The following GUCY1B1 variants were observed in gnomAD, a reference collection of about 807,000 sequenced individuals.
GUCY1B1 encodes guanylate cyclase soluble subunit beta-1.
In GUCY1B1, 43 loss-of-function variants were observed where a neutral mutation model predicts 71.0. The observed-to-expected ratio is 0.61, with a 90% CI of 0.47 to 0.78. The LOEUF (loss-of-function observed/expected upper bound fraction) is 0.78, where lower values mean the gene tolerates loss of function less well. GUCY1B1 is among the 30% of genes least tolerant of loss of function. The pLI is 0.00. For missense variants in GUCY1B1, 535 were observed against 754.1 expected (o/e 0.71, Z 3.40); for synonymous variants, 266 against 259.7 (o/e 1.02, Z -0.23).
At chr4:155,784,141 T>C (rs1011174613) in intron 4 of GUCY1B1, among the ~76,000 whole-genome samples, 1 of 152,164 alleles carries the variant, frequency 6.6e-6, no homozygotes, top group Non-Finnish European at 1.5e-5. Context: ...ATGGTAATGA[T>C]AAATTGATAT....
At chr4:155,761,348 C>CTA (rs113451558) in intron 2 of GUCY1B1, among the ~76,000 whole-genome samples, 47,672 of 150,572 alleles carry the variant, frequency 0.32, 7,455 homozygotes, top group Middle Eastern at 0.41. Context: ...TTTATAAATG[C>CTA]TATATATATA....
chr4:155,786,413 A>G (rs1738775691), intron 4 of GUCY1B1, among the ~76,000 whole-genome samples: 1 of 143,394 alleles, frequency 7.0e-6, no homozygotes, highest in Non-Finnish European at 1.5e-5. Flanking sequence ...AGCTGGGACT[A>G]CAGGCATGCC....
In GUCY1B1 at chr4:155,800,066, G is replaced by C. The variant is rs1297936678; in HGVS notation, c.1167G>C (p.Lys389Asn). Residue 389 changes from lysine to asparagine, a missense_variant, in exon 9 of 14, where the codon AAG (lysine) becomes AAC (asparagine). Lys to Asn is a moderately conservative substitution (Grantham distance 94). Transcript: ENST00000264424. ...TLRALEDEKK[K>N]TDTLLYSVLP... ...GAGCCCTGGAAGATGAAAAGAAAAA[G>C]ACAGACACGTAAGAATGTAACGCTT... is the stretch of plus-strand genomic sequence containing the variant. 6.2e-7 allele frequency: 1 copy of C among 1,606,836 alleles called. No individual in the cohort carries two copies. Among genetic ancestry groups the C allele is most frequent in the Non-Finnish European group, 8.5e-7 (1 of 1,174,484 alleles).
chr4:155,799,646 A>G (rs1561031497), intron 8 of GUCY1B1, among the ~76,000 whole-genome samples: 1 of 152,224 alleles, frequency 6.6e-6, no homozygotes, highest in Admixed American at 6.5e-5. Context: ...ATGGCACCAA[A>G]AAGTGCAACC....
In GUCY1B1 at chr4:155,802,292, G is replaced by A. The variant is rs1364383889; in HGVS notation, c.1176-50G>A. 1 of 1,609,588 alleles carries A rather than the reference G, an allele frequency of 6.2e-7. No homozygotes were observed. Among genetic ancestry groups the A allele is most frequent in the Non-Finnish European group, 8.5e-7 (1 of 1,178,314 alleles). On this transcript the variant is annotated intron_variant, in intron 9 of 13. Transcript: ENST00000264424. This position sits in a 1 kb window ranked among gnomAD's most constrained non-coding sequence, Gnocchi z 4.3. ...TGAAAAGGACAGCAGAAGCACTAAAGGCTTTCCCAGTATTTCTTACAGTGG... is the reference window on the plus strand; with the variant it reads ...TGAAAAGGACAGCAGAAGCACTAAAAGCTTTCCCAGTATTTCTTACAGTGG...
chr4:155,801,403 T>A (rs1416262127), intron 9 of GUCY1B1, among the ~76,000 whole-genome samples: 2 of 152,202 alleles, frequency 1.3e-5, no homozygotes, highest in Admixed American at 1.3e-4. Context: ...TACTATTAAT[T>A]TTCTTTAAAG....
chr4:155,803,829 C>A (rs1404563046), intron 11 of GUCY1B1, 65 bp downstream of exon 11: 2 of 1,092,302 alleles, frequency 1.8e-6, no homozygotes, highest in South Asian at 1.9e-5. Context: ...TGATTCATAT[C>A]GTTGTCCGGA....
At position 155,791,468 on chromosome 4, in the gene GUCY1B1, C is replaced by A. The variant is rs182201262; in HGVS notation, c.495+1557C>A. Among the ~76,000 whole-genome samples, 11 of 148,780 alleles carry A rather than the reference C, an allele frequency of 7.4e-5. No homozygotes were observed. The East Asian group carries it at 2.3e-3, about 32-fold the overall frequency. ...AGTATCGCCTGGGCGCAGTGGCTCA[C>A]GCCTGTAATCCTAGCACTTTGGGAG... On this transcript the variant is annotated intron_variant, in intron 5 of 13. Coordinates refer to ENST00000264424, the MANE Select transcript of GUCY1B1 (RefSeq NM_000857.5).
chr4:155,782,892 C>G (rs1738532531), intron 4 of GUCY1B1, among the ~76,000 whole-genome samples: 1 of 152,106 alleles, frequency 6.6e-6, no homozygotes, highest in Non-Finnish European at 1.5e-5. Flanking sequence ...TAGCTGGGCT[C>G]TCAGCAAAGA....
In GUCY1B1 at chr4:155,806,708, G is replaced by T; in HGVS notation, c.*299G>T. ...TACCTAACATGGTGATCTGCAAGTA[G>T]TAGGCACCCAATAAATATTTGTTGA... On this transcript the variant is annotated 3_prime_UTR_variant, in exon 14 of 14. Transcript: ENST00000264424. The T allele has an allele frequency of 3.0e-6, 1 of 338,716 alleles. No homozygotes were observed. Among genetic ancestry groups the T allele is most frequent in the Non-Finnish European group, 5.3e-6 (1 of 187,322 alleles). The allele number at this position is 338,716 out of a possible 1,614,324, so 21.0% of individuals were successfully genotyped here.
In GUCY1B1 at chr4:155,802,146, A is replaced by G; in HGVS notation, c.1176-196A>G. On this transcript the variant is annotated intron_variant, in intron 9 of 13. Transcript: ENST00000264424. The surrounding 1 kb of genome is among the most constrained non-coding windows in gnomAD (Gnocchi z 4.3). ...CGGATGTCTTATGTGATTAGGATGA[A>G]CAAATAATTTATGTTTTCTGTAAAT... The G allele has an allele frequency of 7.7e-7, 1 of 1,297,280 alleles. No individual in the cohort carries two copies. Among genetic ancestry groups the G allele is most frequent in the Non-Finnish European group, 1.0e-6 (1 of 969,812 alleles). 80.4% of individuals were successfully genotyped at this position (1,297,280 alleles called of 1,614,324 possible).
intron 4 of GUCY1B1, among the ~76,000 whole-genome samples, chr4:155,781,879 G>A (rs921577882): frequency 3.3e-5 from 5 of 151,870 alleles, no homozygotes; most frequent in Non-Finnish European, 5.9e-5. Context: ...ATCAAAAAGA[G>A]AAAAAGAAGA....
chr4:155,788,483 C>T (rs1397181720), intron 4 of GUCY1B1, among the ~76,000 whole-genome samples: 1 of 152,200 alleles, frequency 6.6e-6, no homozygotes, highest in African/African-American at 2.4e-5. Flanking sequence ...GCACAGTCAC[C>T]CATGTGACTA....
rs776905298 is a variant in GUCY1B1, at chr4:155,789,762, C to T, written c.346C>T (p.Arg116Cys). 3.7e-6 allele frequency: 6 copies of T among 1,606,586 alleles called. No homozygotes were observed. Among genetic ancestry groups the T allele is most frequent in the South Asian group, 1.1e-5 (1 of 90,808 alleles). The change falls in exon 5 of 14, where the codon CGT becomes TGT. Residue 116 changes from arginine to cysteine, a missense_variant. Arg to Cys is a radical substitution (Grantham distance 180). Transcript: ENST00000264424. ...CCTTGCTACCATCTACCCAGGAATG[C>T]GTGCACCTTCCTTTAGGTGCACTGA... ...DHLATIYPGM[R>C]APSFRCTDAE...
In GUCY1B1 at chr4:155,805,168, T is replaced by C; in HGVS notation, c.1775T>C (p.Met592Thr). The change falls in exon 13 of 14, where the codon ATG (methionine) becomes ACG (threonine). Residue 592 changes from methionine to threonine, a missense_variant. Met to Thr is a moderately conservative substitution (Grantham distance 81). Coordinates refer to ENST00000264424, the MANE Select transcript of GUCY1B1 (RefSeq NM_000857.5). ...FHLEHRGPVS[M>T]KGKKEPMQVW... is the part of the protein sequence containing the mutation. ...TTGGAGCACAGAGGCCCAGTGTCCATGAAGGGCAAAAAAGAACCAATGCAA... is the reference window on the plus strand; with the variant it reads ...TTGGAGCACAGAGGCCCAGTGTCCACGAAGGGCAAAAAAGAACCAATGCAA... 6.2e-7 allele frequency: 1 copy of C among 1,611,796 alleles called. No homozygotes were observed. The highest frequency in any genetic ancestry group is 8.5e-7 in the Non-Finnish European group (1 of 1,178,494).
chr4:155,800,767 G>A (rs375490642), intron 9 of GUCY1B1, among the ~76,000 whole-genome samples: 14 of 152,094 alleles, frequency 9.2e-5, no homozygotes, highest in Middle Eastern at 3.2e-3. Context: ...CTAATTAAAC[G>A]CACATCACTG....
chr4:155,760,630 A>G (rs1166605693), intron 2 of GUCY1B1, among the ~76,000 whole-genome samples: 1 of 152,122 alleles, frequency 6.6e-6, no homozygotes, highest in Non-Finnish European at 1.5e-5. Flanking sequence ...ATTTCACTCT[A>G]ATAAAGTTGT....
At chr4:155,772,417 C>T (rs531583344) in intron 2 of GUCY1B1, among the ~76,000 whole-genome samples, 10 of 152,028 alleles carry the variant, frequency 6.6e-5, no homozygotes, top group South Asian at 4.2e-4. Context: ...TTTGTTTGTT[C>T]GCTTGTTTGT....
chr4:155,785,320 G>A, intron 4 of GUCY1B1: 7 of 1,426,026 alleles, frequency 4.9e-6, no homozygotes, highest in African/African-American at 1.4e-5. Flanking sequence ...GAATCTACTT[G>A]TGCTGCAATG....
Sources: gnomAD v4.1 joint callset for allele counts (sites outside exome capture counted in the v4.1 genomes callset) on GRCh38, gnomAD v4.1.1 for gene constraint, Gnocchi (gnomAD v3.1) non-coding constraint, MANE v1.5 for transcripts, NCBI Gene and HGNC (gene_info 2026-07-23, HGNC 2026-07-21) for gene names.